Variants in CFAP206 observed in about 807,000 individuals in gnomAD.
CFAP206 encodes the protein cilia and flagella associated protein 206.
A neutral mutation model predicts 65.4 loss-of-function variants in CFAP206; 53 were observed. The ratio of observed to expected loss-of-function variants is 0.81; its 90% CI spans 0.65 to 1.02. CFAP206 has a LOEUF of 1.02. CFAP206 is among the 50% of genes least tolerant of loss of function. CFAP206 has a pLI of 0.00. For missense variants in CFAP206, 663 were observed against 753.2 expected (o/e 0.88, Z 1.40); for synonymous variants, 250 against 254.4 (o/e 0.98, Z 0.17).
At position 87,464,221 on chromosome 6, in the gene CFAP206, A is replaced by G; in HGVS notation, c.1840A>G (p.Asn614Asp). Residue 614 changes from asparagine (N) to aspartate (D), a missense_variant, in exon 13 of 13, where the codon AAC becomes GAC. By Grantham distance (23) the Asn-to-Asp change is conservative. Transcript: ENST00000369562. Reference sequence around the variant, plus strand: ...CGAAATCACCGATGAGGTCAAGGTGAACTTAACTAGAGATGTGGATGAAAC... The same window carrying G: ...CGAAATCACCGATGAGGTCAAGGTGGACTTAACTAGAGATGTGGATGAAAC... ...KSEITDEVKVNLTRDVDET is the reference protein window; with the variant it reads ...KSEITDEVKVDLTRDVDET The G allele has an allele frequency of 6.2e-7, 1 of 1,613,778 alleles. No homozygotes were observed. Among genetic ancestry groups the G allele is most frequent in the Non-Finnish European group, 8.5e-7 (1 of 1,179,836 alleles).
At chr6:87,442,833 A>G (rs1768379844) in intron 11 of CFAP206, among the ~76,000 whole-genome samples, 1 of 152,144 alleles carries the variant, frequency 6.6e-6, no homozygotes. Flanking sequence ...CCAACTTGGT[A>G]TAGTTTATTT....
Position 87,415,532 on chromosome 6 carries a change from C to G in CFAP206, c.284-154C>G, listed in dbSNP as rs1014263922. 6.7e-6 allele frequency: 5 copies of G among 743,038 alleles called. No individual in the cohort carries two copies. The East Asian group carries it at 1.4e-4, about 21-fold the overall frequency. 46.0% of individuals were successfully genotyped at this position (743,038 alleles called of 1,614,324 possible). A position where few individuals can be genotyped will look rare whatever the true frequency, so the allele number is the denominator to read the frequency against. On this transcript the variant is annotated intron_variant, in intron 4 of 12. Transcript: ENST00000369562. ...TGGATTTTTGTCTTGAGGCTACATG[C>G]TGGCCACTGTTTTTTATTTCATTAT...
In CFAP206 at chr6:87,453,537, T is replaced by C. The variant is rs1024424846; in HGVS notation, c.1495-7485T>C. Among the ~76,000 whole-genome samples, 41 of 152,202 alleles carry C rather than the reference T, an allele frequency of 2.7e-4. 1 individual carries two copies. The highest frequency in any genetic ancestry group is 9.4e-4 in the African/African-American group (39 of 41,562). ...ACTATAACAACTTTTAAAGACATAGTATAATAAGATTTAAATAGAAACAAC... is the reference window on the plus strand; with the variant it reads ...ACTATAACAACTTTTAAAGACATAGCATAATAAGATTTAAATAGAAACAAC... On this transcript the variant is annotated intron_variant, in intron 11 of 12. Coordinates refer to ENST00000369562, the MANE Select transcript of CFAP206 (RefSeq NM_001031743.3).
chr6:87,437,638 C>A (rs1303333270), intron 11 of CFAP206, among the ~76,000 whole-genome samples: 2 of 151,228 alleles, frequency 1.3e-5, no homozygotes, highest in East Asian at 3.9e-4. Context: ...TAGGATTATT[C>A]TTTACATTTT....
chr6:87,455,943 A>G (rs947724096), intron 11 of CFAP206, among the ~76,000 whole-genome samples: 2 of 152,214 alleles, frequency 1.3e-5, no homozygotes, highest in Non-Finnish European at 2.9e-5. Context: ...AGAAGGATGA[A>G]TATCAGTCCT....
chr6:87,447,971 T>TATTATTATTATTATTATA (rs1434789677), intron 11 of CFAP206, among the ~76,000 whole-genome samples: 44 of 149,182 alleles, frequency 2.9e-4, no homozygotes, highest in African/African-American at 1.1e-3. Flanking sequence ...TTATTATTAC[T>TATTATTATTATTATTATA]ATACTTTAAG....
chr6:87,444,308 A>G (rs903275203), intron 11 of CFAP206: 1 of 214,530 alleles, frequency 4.7e-6, no homozygotes, highest in Non-Finnish European at 9.9e-6. Flanking sequence ...AGAAGGTCAG[A>G]GGTACACTGG....
At chr6:87,428,570 T>G (rs1582139405) in intron 8 of CFAP206, 56 bp from the exon 9 acceptor site, 1 of 1,456,918 alleles carries the variant, frequency 6.9e-7, no homozygotes. Context: ...AAGAGTACAG[T>G]GATTTATAAT....
intron 11 of CFAP206, chr6:87,436,594 G>C (rs1329233897): frequency 6.5e-6 from 1 of 152,894 alleles, no homozygotes; most frequent in African/African-American, 2.4e-5. Flanking sequence ...AAGTATGGTA[G>C]TCAGGACCAT....
chr6:87,426,553 G>A lies in CFAP206; in HGVS notation c.868G>A (p.Val290Met), dbSNP rs1768046730. Residue 290 changes from valine to methionine, a missense_variant, in exon 8 of 13, where the codon GTG becomes ATG. Val to Met is a conservative substitution (Grantham distance 21, BLOSUM62 1). Coordinates refer to ENST00000369562, the MANE Select transcript of CFAP206 (RefSeq NM_001031743.3). Reference sequence around the variant, plus strand: ...AGATATAATTACTGGTGCTCAAGAAGTGGAAATGATGACAAAACAGTTAGG... The same window carrying A: ...AGATATAATTACTGGTGCTCAAGAAATGGAAATGATGACAAAACAGTTAGG... ...LSDIITGAQEVEMMTKQLGAH... is the reference protein window; with the variant it reads ...LSDIITGAQEMEMMTKQLGAH... 6.3e-7 allele frequency: 1 copy of A among 1,591,728 alleles called. No individual in the cohort carries two copies. The highest frequency in any genetic ancestry group is 1.3e-5 in the African/African-American group (1 of 74,272).
At chr6:87,430,213 C>G (rs1384551961) in intron 9 of CFAP206, among the ~76,000 whole-genome samples, 1 of 152,186 alleles carries the variant, frequency 6.6e-6, no homozygotes, top group African/African-American at 2.4e-5. Context: ...TTTATTTTCT[C>G]TAAATTATGC....
At chr6:87,459,880 C>T (rs1416864061) in intron 11 of CFAP206, among the ~76,000 whole-genome samples, 2 of 152,138 alleles carry the variant, frequency 1.3e-5, no homozygotes, top group African/African-American at 2.4e-5. Context: ...TTTTTCCTGT[C>T]TTTCTGGATA....
At chr6:87,415,972 C>T in intron 5 of CFAP206, 98 bp downstream of exon 5, 1 of 944,182 alleles carries the variant, frequency 1.1e-6, no homozygotes, top group Non-Finnish European at 1.4e-6. Context: ...ATTGAAGTTC[C>T]CTTTTTATCT....
At chr6:87,427,202 A>G (rs2127951021) in intron 8 of CFAP206, among the ~76,000 whole-genome samples, 1 of 152,196 alleles carries the variant, frequency 6.6e-6, no homozygotes, top group South Asian at 2.1e-4. Flanking sequence ...CAGTGGTGCA[A>G]TCTCGGCTCA....
At chr6:87,409,521 CTTT>C (rs71554717) in intron 1 of CFAP206, among the ~76,000 whole-genome samples, 11 of 137,946 alleles carry the variant, frequency 8.0e-5, no homozygotes, top group African/African-American at 1.6e-4. Flanking sequence ...CCTGCTTAGC[CTTT>C]TTTTTTTTTT....
intron 12 of CFAP206, among the ~76,000 whole-genome samples, chr6:87,461,915 T>C (rs564502760): frequency 6.6e-6 from 1 of 152,272 alleles, no homozygotes; most frequent in South Asian, 2.1e-4. Context: ...GAAAGCTTTA[T>C]AGTCAGAAAA....
chr6:87,427,029 G>T (rs912523095), intron 8 of CFAP206, among the ~76,000 whole-genome samples: 2 of 152,164 alleles, frequency 1.3e-5, no homozygotes, highest in African/African-American at 4.8e-5. Context: ...TGTTTACCAG[G>T]CCTGCACTTA....
At chr6:87,440,454 AT>A (rs943025798) in intron 11 of CFAP206, among the ~76,000 whole-genome samples, 3 of 151,530 alleles carry the variant, frequency 2.0e-5, no homozygotes, top group African/African-American at 7.3e-5. Flanking sequence ...TAGACTTTGT[AT>A]TTTTTTTAAC....
At chr6:87,451,498 G>A (rs775973706) in intron 11 of CFAP206, among the ~76,000 whole-genome samples, 10 of 151,922 alleles carry the variant, frequency 6.6e-5, no homozygotes, top group Non-Finnish European at 1.5e-4. Context: ...AGAGCCCTTG[G>A]GTCTTGAATA....
Sources: gnomAD v4.1 joint callset for allele counts (sites outside exome capture counted in the v4.1 genomes callset) on GRCh38, gnomAD v4.1.1 for gene constraint, MANE v1.5 for transcripts, NCBI Gene and HGNC (gene_info 2026-07-23, HGNC 2026-07-21) for gene names.